SOX5: variants seen among roughly 807,000 people sequenced by gnomAD.
The protein encoded by SOX5 is SRY-box transcription factor 5.
In SOX5, 9 loss-of-function variants were observed where a neutral mutation model predicts 92.0. That is an observed-to-expected ratio of 0.10 (90% CI 0.06 to 0.17). The LOEUF (loss-of-function observed/expected upper bound fraction) is 0.17, where lower values mean the gene tolerates loss of function less well. SOX5 is among the 10% of genes least tolerant of loss of function. SOX5 has a pLI of 1.00. For synonymous variants in SOX5, 344 were observed against 336.3 expected (o/e 1.02, Z -0.25); for missense variants, 642 against 944.5 (o/e 0.68, Z 4.20).
chr12:24,039,772 G>A (rs1475968867), intron 4 of SOX5, among the ~76,000 whole-genome samples: 2 of 151,978 alleles, frequency 1.3e-5, no homozygotes, highest in African/African-American at 4.8e-5. Context: ...AAAGTACCAG[G>A]AGTATAGTTT....
At chr12:23,925,245 G>A (rs1274818857) in intron 1 of SOX5, among the ~76,000 whole-genome samples, 1 of 152,062 alleles carries the variant, frequency 6.6e-6, no homozygotes, top group Admixed American at 6.6e-5. Flanking sequence ...AAAATGCATA[G>A]TATGTCTTGA....
At chr12:23,757,648 A>C (rs2094435404) in intron 3 of SOX5, among the ~76,000 whole-genome samples, 1 of 151,980 alleles carries the variant, frequency 6.6e-6, no homozygotes, top group Admixed American at 6.6e-5. Flanking sequence ...GCAATAGAGT[A>C]CTGTCAGTCA....
intron 3 of SOX5, among the ~76,000 whole-genome samples, chr12:23,766,296 G>A (rs1362285091): frequency 2.0e-5 from 3 of 151,966 alleles, no homozygotes; most frequent in Admixed American, 1.3e-4. Flanking sequence ...TAAACTACAT[G>A]GATAAGAATA....
At chr12:24,034,239 C>G (rs1199377592) in intron 4 of SOX5, among the ~76,000 whole-genome samples, 3 of 152,010 alleles carry the variant, frequency 2.0e-5, no homozygotes, top group Non-Finnish European at 4.4e-5. Context: ...TTTTCCAAAG[C>G]TCCCTTCTCT....
intron 1 of SOX5, among the ~76,000 whole-genome samples, chr12:24,527,633 A>G (rs1306455950): frequency 2.0e-5 from 3 of 152,190 alleles, no homozygotes; most frequent in Non-Finnish European, 2.9e-5. Context: ...TTTGTCTCCT[A>G]AAGTATTGCT....
At chr12:23,545,390 GC>G (rs1483279939) in intron 12 of SOX5, among the ~76,000 whole-genome samples, 1 of 152,162 alleles carries the variant, frequency 6.6e-6, no homozygotes, top group Admixed American at 6.6e-5. Flanking sequence ...AAGAAGAACA[GC>G]ACTTCCTTCT....
intron 4 of SOX5, among the ~76,000 whole-genome samples, chr12:24,150,528 C>T (rs111812837): frequency 0.013 from 2,044 of 152,056 alleles, 52 homozygotes; most frequent in African/African-American, 0.047. Flanking sequence ...AAGCCATTGA[C>T]CTGAATGAAA....
In SOX5 at chr12:23,734,769, C is replaced by T; in HGVS notation, c.742-17G>A. 6.2e-7 allele frequency: 1 copy of T among 1,607,104 alleles called. No individual in the cohort carries two copies. Among genetic ancestry groups the T allele is most frequent in the Non-Finnish European group, 8.5e-7 (1 of 1,175,118 alleles). ...TCTTGCAATCTGTGAAGAAATTGCA[C>T]ATGAGAAATTTACAAGTATATTGTA... On this transcript the variant is annotated splice_polypyrimidine_tract_variant and intron_variant, in intron 5 of 14. Coordinates refer to ENST00000451604, the MANE Select transcript of SOX5 (RefSeq NM_006940.6).
chr12:23,905,891 GTAA>G (rs2097288764), intron 1 of SOX5, among the ~76,000 whole-genome samples: 1 of 152,074 alleles, frequency 6.6e-6, no homozygotes, highest in Non-Finnish European at 1.5e-5. Flanking sequence ...ATTAAAAATT[GTAA>G]TAATTTTATT....
chr12:24,355,217 C>T (rs1954648704), intron 2 of SOX5, among the ~76,000 whole-genome samples: 1 of 149,326 alleles, frequency 6.7e-6, no homozygotes. Flanking sequence ...TAGTGTGGTT[C>T]CCAGCCAGCT....
At chr12:24,466,227 T>C (rs1944218656) in intron 1 of SOX5, among the ~76,000 whole-genome samples, 1 of 151,864 alleles carries the variant, frequency 6.6e-6, no homozygotes, top group East Asian at 1.9e-4. Context: ...CCTTCTTCCT[T>C]CTTTCTTCTT....
At chr12:24,521,569 T>C (rs1005331047) in intron 1 of SOX5, among the ~76,000 whole-genome samples, 1 of 152,090 alleles carries the variant, frequency 6.6e-6, no homozygotes. Flanking sequence ...ACAAAACAAG[T>C]TCTTGACAAA....
In SOX5 at chr12:23,534,162, G is replaced by A. The variant is rs1939664813; in HGVS notation, c.*57C>T. Reference sequence around the variant, plus strand: ...GTTAATGTGCTTGGCCACTGGTAAGGATGAACCAGTTAGGGCTTCTTTAAG... The same window carrying A: ...GTTAATGTGCTTGGCCACTGGTAAGAATGAACCAGTTAGGGCTTCTTTAAG... On this transcript the variant is annotated 3_prime_UTR_variant, in exon 15 of 15. Coordinates refer to ENST00000451604, the MANE Select transcript of SOX5 (RefSeq NM_006940.6). 6.9e-7 allele frequency: 1 copy of A among 1,443,672 alleles called. No homozygotes were observed. The highest frequency in any genetic ancestry group is 1.4e-5 in the African/African-American group (1 of 71,548). The allele number at this position is 1,443,672 out of a possible 1,614,324, so 89.4% of individuals were successfully genotyped here.
intron 4 of SOX5, among the ~76,000 whole-genome samples, chr12:24,079,921 T>A (rs958204974): frequency 3.3e-5 from 5 of 151,988 alleles, no homozygotes; most frequent in Non-Finnish European, 5.9e-5. Flanking sequence ...CTATGAGTTT[T>A]AAGATAGCGT....
At chr12:24,318,127 T>C (rs978896820) in intron 2 of SOX5, among the ~76,000 whole-genome samples, 1 of 152,126 alleles carries the variant, frequency 6.6e-6, no homozygotes, top group African/African-American at 2.4e-5. Context: ...GAGAATCGCT[T>C]GAAACCGGGA....
At position 24,087,083 on chromosome 12, in the gene SOX5, A is replaced by C. The variant is rs760586922; in HGVS notation, c.-2+126260T>G. On this transcript the variant is annotated intron_variant, in intron 4 of 4. Transcript: ENST00000446891. ...TTAACTCAGTACTAAGGGCTCATGC[A>C]TATGTTTCTACATGTTGGACACTGC... 2.0e-5 allele frequency among the ~76,000 whole-genome samples: 3 copies of C among 152,056 alleles called. No individual in the cohort carries two copies. The East Asian group carries it at 5.8e-4, about 29-fold the overall frequency.
intron 4 of SOX5, among the ~76,000 whole-genome samples, chr12:24,093,691 CTTTT>C (rs199818216): frequency 5.0e-5 from 7 of 140,174 alleles, no homozygotes; most frequent in South Asian, 4.5e-4. Context: ...TTTGGTTGTC[CTTTT>C]TTTTTTTTTT....
intron 1 of SOX5, among the ~76,000 whole-genome samples, chr12:23,941,665 T>C (rs1016159071): frequency 1.3e-5 from 2 of 151,676 alleles, no homozygotes; most frequent in Non-Finnish European, 3.0e-5. Context: ...TGCTGTATCA[T>C]AGATGACAAA....
chr12:23,971,000 T>C (rs1396332607), intron 4 of SOX5, among the ~76,000 whole-genome samples: 4 of 149,222 alleles, frequency 2.7e-5, no homozygotes, highest in Non-Finnish European at 1.5e-5. Context: ...ATCACACTGT[T>C]TTCCATAGCA....
Sources: gnomAD v4.1 joint callset for allele counts (sites outside exome capture counted in the v4.1 genomes callset) on GRCh38, gnomAD v4.1.1 for gene constraint, MANE v1.5 for transcripts, NCBI Gene and HGNC (gene_info 2026-07-23, HGNC 2026-07-21) for gene names.